The following EFCAB11 variants were observed in gnomAD, a reference collection of about 807,000 sequenced individuals.
EFCAB11 encodes the protein EF-hand calcium-binding domain-containing protein 11.
A neutral mutation model predicts 23.0 loss-of-function variants in EFCAB11; 14 were observed. The observed-to-expected ratio is 0.61, with a 90% CI of 0.40 to 0.95. The LOEUF (loss-of-function observed/expected upper bound fraction) is 0.95, where lower values mean the gene tolerates loss of function less well. EFCAB11 is among the 40% of genes least tolerant of loss of function. EFCAB11 has a pLI of 0.00. For synonymous variants in EFCAB11, 65 were observed against 66.6 expected, an observed-to-expected ratio of 0.98 and a Z score of 0.11; for missense variants, 198 against 195.8, an observed-to-expected ratio of 1.01 and a Z score of -0.07.
intron 5 of EFCAB11, chr14:89,931,324 T>G: frequency 3.8e-6 from 2 of 520,446 alleles, no homozygotes; most frequent in Non-Finnish European, 6.8e-6. Context: ...CTGCCTGGTG[T>G]GCAAGCGCTC....
In EFCAB11 at chr14:89,933,975, G is replaced by A. The variant is rs28463347; in HGVS notation, c.218-1348C>T. ...GCTGGCAGTAGGAACAGCCTGTGCCGAGGCTGTTGTGTGGCAAGGTGGGAA... is the reference window on the plus strand; with the variant it reads ...GCTGGCAGTAGGAACAGCCTGTGCCAAGGCTGTTGTGTGGCAAGGTGGGAA... On this transcript the variant is annotated intron_variant, in intron 3 of 5. Coordinates refer to ENST00000316738, the MANE Select transcript of EFCAB11 (RefSeq NM_145231.4). 7.8e-3 allele frequency among the ~76,000 whole-genome samples: 1,195 copies of A among 152,280 alleles called. 11 individuals carry two copies. Among genetic ancestry groups the A allele is most frequent in the African/African-American group, 0.027 (1,128 of 41,542 alleles).
intron 5 of EFCAB11, among the ~76,000 whole-genome samples, chr14:89,872,975 C>A (rs1312379922): frequency 2.6e-5 from 4 of 152,180 alleles, no homozygotes; most frequent in Non-Finnish European, 4.4e-5. Flanking sequence ...AGATTTCTAA[C>A]CTCCAGAACT....
chr14:89,919,204 C>G (rs191199166), intron 5 of EFCAB11, among the ~76,000 whole-genome samples: 10 of 147,766 alleles, frequency 6.8e-5, no homozygotes, highest in South Asian at 4.3e-4. Context: ...GAGAGAGAGA[C>G]AGAGAGAGAG....
In EFCAB11 at chr14:89,932,363, C is replaced by T. The variant is rs537294761; in HGVS notation, c.319+163G>A. On this transcript the variant is annotated intron_variant, in intron 4 of 5. Transcript: ENST00000316738. ...ATCTATGGTAAATGTCAAGAAATCA[C>T]GACGGAGAAAAAAATGTGCATCAAT... is the stretch of plus-strand genomic sequence containing the variant. Among the ~76,000 whole-genome samples, 16 of 152,106 alleles carry T rather than the reference C, an allele frequency of 1.1e-4. No homozygotes were observed. The South Asian group carries it at 2.1e-3, about 20-fold the overall frequency.
At chr14:89,832,261 C>T (rs548822046) in intron 5 of EFCAB11, among the ~76,000 whole-genome samples, 24 of 152,086 alleles carry the variant, frequency 1.6e-4, no homozygotes, top group Non-Finnish European at 3.1e-4. Flanking sequence ...TGCAGTGAGC[C>T]GAGACTGCAC....
At chr14:89,837,736 T>C (rs1169358207) in intron 5 of EFCAB11, among the ~76,000 whole-genome samples, 4 of 151,928 alleles carry the variant, frequency 2.6e-5, no homozygotes, top group Non-Finnish European at 5.9e-5. Context: ...CATTGTGAGA[T>C]TGGAGGTAGG....
intron 5 of EFCAB11, among the ~76,000 whole-genome samples, chr14:89,915,659 T>C (rs1486585220): frequency 1.3e-5 from 2 of 152,194 alleles, no homozygotes; most frequent in African/African-American, 4.8e-5. Flanking sequence ...AGAAAGTATG[T>C]TTTGGTTAGT....
intron 5 of EFCAB11, among the ~76,000 whole-genome samples, chr14:89,917,706 T>TA (rs1438420020): frequency 1.3e-5 from 2 of 152,206 alleles, no homozygotes; most frequent in Admixed American, 1.3e-4. Flanking sequence ...TATAATCAAA[T>TA]AAAAAATTCT....
intron 5 of EFCAB11, among the ~76,000 whole-genome samples, chr14:89,834,632 G>C (rs1340641065): frequency 6.6e-6 from 1 of 152,198 alleles, no homozygotes; most frequent in East Asian, 1.9e-4. Context: ...AGGGCAAAGA[G>C]CATGCTTAGA....
intron 2 of EFCAB11, among the ~76,000 whole-genome samples, chr14:89,953,016 A>G (rs1891231410): frequency 6.6e-6 from 1 of 152,234 alleles, no homozygotes; most frequent in Non-Finnish European, 1.5e-5. Flanking sequence ...CTACTCAAGC[A>G]GGAGGTTCAT....
At chr14:89,859,645 G>A (rs1464624950) in intron 5 of EFCAB11, among the ~76,000 whole-genome samples, 2 of 152,190 alleles carry the variant, frequency 1.3e-5, no homozygotes, top group East Asian at 3.9e-4. Context: ...GAGCACCTGA[G>A]CTGTACCAGA....
rs145776996 is a variant in EFCAB11 at position 89,832,982 on chromosome 14, A to G, written c.411-35658T>C. On this transcript the variant is annotated intron_variant, in intron 5 of 5. Coordinates refer to ENST00000316738, the MANE Select transcript of EFCAB11 (RefSeq NM_145231.4). ...ACAGAATTTTCCCCACAACATTTTC[A>G]TGTCTCATCTATCCTCCTTTGAGCC... 14 of 152,294 alleles carry G rather than the reference A, an allele frequency of 9.2e-5. No individual in the cohort carries two copies. In the East Asian group the frequency reaches 2.7e-3, roughly 29 times the overall value. The allele number at this position is 152,294 out of a possible 1,614,324, so 9.4% of individuals were successfully genotyped here. A position where few individuals can be genotyped will look rare whatever the true frequency, so the allele number is the denominator to read the frequency against.
Position 89,954,568 on chromosome 14 carries a change from C to A in EFCAB11, c.75+18G>T. 1 of 1,612,818 alleles carries A rather than the reference C, an allele frequency of 6.2e-7. No individual in the cohort carries two copies. The highest frequency in any genetic ancestry group is 8.5e-7 in the Non-Finnish European group (1 of 1,179,542). ...GCCAAGCTGAAGTCCGAGGCTCAGTCGCCCTCCGGAAACCTACTTCCACCC... is the reference window on the plus strand; with the variant it reads ...GCCAAGCTGAAGTCCGAGGCTCAGTAGCCCTCCGGAAACCTACTTCCACCC... On this transcript the variant is annotated intron_variant, in intron 1 of 5. Transcript: ENST00000316738.
intron 3 of EFCAB11, among the ~76,000 whole-genome samples, chr14:89,943,777 G>A (rs1890873998): frequency 6.6e-6 from 1 of 152,008 alleles, no homozygotes; most frequent in Admixed American, 6.6e-5. Context: ...TTCTTGCTAG[G>A]CTATTTTACT....
intron 5 of EFCAB11, among the ~76,000 whole-genome samples, chr14:89,839,991 C>T (rs190526790): frequency 6.6e-6 from 1 of 152,280 alleles, no homozygotes; most frequent in East Asian, 1.9e-4. Context: ...CAGACCCAAA[C>T]CCTATCACAG....
At position 89,815,335 on chromosome 14, in the gene EFCAB11, C is replaced by T. The variant is rs193269369; in HGVS notation, c.411-18011G>A. Among the ~76,000 whole-genome samples, 6 of 152,256 alleles carry T rather than the reference C, an allele frequency of 3.9e-5. No individual in the cohort carries two copies. The South Asian group carries it at 6.2e-4, about 16-fold the overall frequency. On this transcript the variant is annotated intron_variant, in intron 5 of 5. Coordinates refer to ENST00000316738, the MANE Select transcript of EFCAB11 (RefSeq NM_145231.4). ...AGTTCTTAGTTAGGATTTCCCCCCA[C>T]GGAGGCTGGGTTGGGCTTAAGAAAA... is the stretch of plus-strand genomic sequence containing the variant.
At chr14:89,861,263 G>C (rs968280841) in intron 5 of EFCAB11, among the ~76,000 whole-genome samples, 1 of 152,052 alleles carries the variant, frequency 6.6e-6, no homozygotes, top group Non-Finnish European at 1.5e-5. Flanking sequence ...CTCCATCCTT[G>C]GAACTAACCT....
intron 2 of EFCAB11, among the ~76,000 whole-genome samples, chr14:89,950,759 G>T (rs114119012): frequency 1.3e-5 from 2 of 152,026 alleles, no homozygotes; most frequent in African/African-American, 2.4e-5. Context: ...CTTTATAAAC[G>T]TTATAGTATT....
At chr14:89,811,851 T>C (rs1176910878) in intron 5 of EFCAB11, among the ~76,000 whole-genome samples, 1 of 152,238 alleles carries the variant, frequency 6.6e-6, no homozygotes, top group Non-Finnish European at 1.5e-5. Flanking sequence ...CAACTTGTTA[T>C]TGTGGCAATA....
Sources: gnomAD v4.1 joint callset for allele counts (sites outside exome capture counted in the v4.1 genomes callset) on GRCh38, gnomAD v4.1.1 for gene constraint, MANE v1.5 for transcripts, NCBI Gene and HGNC (gene_info 2026-07-23, HGNC 2026-07-21) for gene names.